FAR2: variants seen among roughly 807,000 people sequenced by gnomAD.
The protein encoded by FAR2 is epididymis secretory protein Li 81.
A neutral mutation model predicts 56.0 loss-of-function variants in FAR2; 19 were observed. The ratio of observed to expected loss-of-function variants is 0.34; its 90% CI spans 0.24 to 0.50. The LOEUF is 0.50. Ranked by LOEUF, FAR2 falls within the 20% of genes least tolerant of loss-of-function variation. The pLI is 0.98. For missense variants in FAR2, 508 were observed against 642.2 expected (o/e 0.79, Z 2.26); for synonymous variants, 219 against 218.8 (o/e 1.00, Z -0.01).
At chr12:29,252,059 C>G (rs1431852195) in intron 1 of FAR2, among the ~76,000 whole-genome samples, 5 of 152,102 alleles carry the variant, frequency 3.3e-5, no homozygotes. Flanking sequence ...AGCACTGCCA[C>G]TGGAAACTTT....
Position 29,293,404 on chromosome 12 carries a change from G to A in FAR2, c.294G>A (p.Met98Ile), listed in dbSNP as rs1180785438. Residue 98 changes from methionine (M) to isoleucine (I), a missense_variant, in exon 3 of 12, where the codon ATG becomes ATA. Met to Ile is a conservative substitution (Grantham distance 10, BLOSUM62 1). Coordinates refer to ENST00000536681, the MANE Select transcript of FAR2 (RefSeq NM_001271783.2). ...ACTTTGCCATCAGCAAAGAGGACAT[G>A]CAGGAGCTTCTCTCCTGTACAAACA... The part of the protein sequence containing the change: ...QNDFAISKED[M>I]QELLSCTNII... 6.2e-7 allele frequency: 1 copy of A among 1,612,544 alleles called. No homozygotes were observed. Among genetic ancestry groups the A allele is most frequent in the Non-Finnish European group, 8.5e-7 (1 of 1,179,406 alleles).
intron 4 of FAR2, among the ~76,000 whole-genome samples, chr12:29,300,534 G>A (rs1949145200): frequency 2.0e-5 from 3 of 152,144 alleles, no homozygotes; most frequent in Admixed American, 6.5e-5. Context: ...TAATTGGTCT[G>A]TGTTAAAATG....
intron 1 of FAR2, among the ~76,000 whole-genome samples, chr12:29,217,188 A>G (rs1352924736): frequency 4.6e-5 from 7 of 152,226 alleles, no homozygotes; most frequent in Non-Finnish European, 1.0e-4. Flanking sequence ...TGGTCTAAAG[A>G]AATGAAAATT....
chr12:29,235,435 G>A (rs946380356), intron 1 of FAR2, among the ~76,000 whole-genome samples: 8 of 152,004 alleles, frequency 5.3e-5, no homozygotes, highest in African/African-American at 1.7e-4. Context: ...TGTATCTCTT[G>A]GTATTTCTCC....
chr12:29,256,228 C>T (rs1265895406), intron 1 of FAR2, among the ~76,000 whole-genome samples: 2 of 152,062 alleles, frequency 1.3e-5, no homozygotes, highest in African/African-American at 4.8e-5. Context: ...TGCTTTGTCA[C>T]CCAGGCTAGA....
intron 10 of FAR2, among the ~76,000 whole-genome samples, chr12:29,323,672 C>T (rs1224078615): frequency 6.6e-6 from 1 of 152,178 alleles, no homozygotes; most frequent in South Asian, 2.1e-4. Flanking sequence ...TCCAACAGAC[C>T]TGCAGCTGAG....
At chr12:29,257,228 A>G (rs1383631405) in intron 1 of FAR2, among the ~76,000 whole-genome samples, 1 of 152,124 alleles carries the variant, frequency 6.6e-6, no homozygotes, top group Non-Finnish European at 1.5e-5. Flanking sequence ...TGTCTAGCTC[A>G]GGGTTTGTGA....
chr12:29,256,982 C>T (rs919254541), intron 1 of FAR2, among the ~76,000 whole-genome samples: 8 of 152,166 alleles, frequency 5.3e-5, no homozygotes, highest in Non-Finnish European at 1.0e-4. Context: ...ACCCCCTGCT[C>T]CAGGGCACCC....
intron 3 of FAR2, among the ~76,000 whole-genome samples, chr12:29,295,201 GT>G (rs1218719065): frequency 6.6e-6 from 1 of 152,008 alleles, no homozygotes; most frequent in African/African-American, 2.4e-5. Flanking sequence ...GCCTCCCCAT[GT>G]AGCTGGGACT....
intron 1 of FAR2, among the ~76,000 whole-genome samples, chr12:29,235,069 C>G (rs1223448204): frequency 6.6e-6 from 1 of 152,126 alleles, no homozygotes; most frequent in African/African-American, 2.4e-5. Context: ...CTTGTATTGA[C>G]TCATTTTGTC....
chr12:29,190,768 T>A (rs1158019788), intron 1 of FAR2, among the ~76,000 whole-genome samples: 1 of 138,938 alleles, frequency 7.2e-6, no homozygotes, highest in East Asian at 2.2e-4. Flanking sequence ...CGGCCAAAAT[T>A]CACGGTGGTT....
At chr12:29,279,508 T>G (rs1283895578) in intron 2 of FAR2, among the ~76,000 whole-genome samples, 2 of 152,228 alleles carry the variant, frequency 1.3e-5, no homozygotes, top group Non-Finnish European at 2.9e-5. Flanking sequence ...TGTTAATTCA[T>G]TATGCTGAGT....
intron 1 of FAR2, among the ~76,000 whole-genome samples, chr12:29,163,306 G>A (rs979672857): frequency 5.3e-5 from 8 of 152,308 alleles, no homozygotes; most frequent in African/African-American, 1.4e-4. Flanking sequence ...TCATTCTTCC[G>A]TTAGAAGAGT....
At chr12:29,149,940 C>A (rs924698272) in intron 1 of FAR2, among the ~76,000 whole-genome samples, 3 of 152,188 alleles carry the variant, frequency 2.0e-5, no homozygotes, top group Non-Finnish European at 2.9e-5. Context: ...CCTCGCCAGC[C>A]CCCAGCCCCA....
At chr12:29,236,175 A>G (rs755295962) in intron 1 of FAR2, among the ~76,000 whole-genome samples, 2 of 152,206 alleles carry the variant, frequency 1.3e-5, no homozygotes, top group African/African-American at 2.4e-5. Context: ...ATGCACAATT[A>G]TGTGTCAATA....
At position 29,195,012 on chromosome 12, in the gene FAR2, T is replaced by C. The variant is rs113710828; in HGVS notation, c.-39+45605T>C. 1.9e-3 allele frequency among the ~76,000 whole-genome samples: 287 copies of C among 152,320 alleles called. 2 individuals are homozygous for C. The highest frequency in any genetic ancestry group is 6.8e-3 in the African/African-American group (281 of 41,578). On this transcript the variant is annotated intron_variant, in intron 1 of 11. Coordinates refer to ENST00000536681, the MANE Select transcript of FAR2 (RefSeq NM_001271783.2). Reference sequence around the variant, plus strand: ...AAGTGGCATCTCTGTCTCACAACAATGTAAGCCTTTTTGGATTCCAGCATA... The same window carrying C: ...AAGTGGCATCTCTGTCTCACAACAACGTAAGCCTTTTTGGATTCCAGCATA...
intron 8 of FAR2, among the ~76,000 whole-genome samples, chr12:29,315,430 G>T (rs1241706742): frequency 2.0e-5 from 3 of 152,140 alleles, no homozygotes. Context: ...AATGAGATGA[G>T]ATTCCACTGA....
chr12:29,229,527 A>G (rs1222672589), intron 1 of FAR2, among the ~76,000 whole-genome samples: 1 of 152,236 alleles, frequency 6.6e-6, no homozygotes, highest in East Asian at 1.9e-4. Flanking sequence ...AAGAAAAAAA[A>G]AGACCAAATC....
At chr12:29,185,274 C>CCAGAT (rs1453358328) in intron 1 of FAR2, among the ~76,000 whole-genome samples, 1 of 152,162 alleles carries the variant, frequency 6.6e-6, no homozygotes, top group Non-Finnish European at 1.5e-5. Context: ...TTAAATAACA[C>CCAGAT]CAGATTCTAA....
Sources: gnomAD v4.1 joint callset for allele counts (sites outside exome capture counted in the v4.1 genomes callset) on GRCh38, gnomAD v4.1.1 for gene constraint, MANE v1.5 for transcripts, NCBI Gene and HGNC (gene_info 2026-07-23, HGNC 2026-07-21) for gene names.